The following GLB1L3 variants were observed in gnomAD, a reference collection of about 807,000 sequenced individuals.
The protein encoded by GLB1L3 is beta-galactosidase-1-like protein 3.
A neutral mutation model predicts 89.5 loss-of-function variants in GLB1L3; 89 were observed. That is an observed-to-expected ratio of 0.99 (90% confidence interval 0.84 to 1.19). The LOEUF is 1.19. Ranked by LOEUF, GLB1L3 falls within the 50% of genes most tolerant of loss-of-function variation. The pLI is 0.00. For synonymous variants in GLB1L3, 314 were observed against 312.3 expected (o/e 1.01, Z -0.06); for missense variants, 812 against 813.3 (o/e 1.00, Z 0.02).
At chr11:134,308,345 CACCATCACCACT>C (rs1261461929) in intron 10 of GLB1L3, among the ~76,000 whole-genome samples, 5 of 46,304 alleles carry the variant, frequency 1.1e-4, no homozygotes, top group Non-Finnish European at 1.8e-4. Flanking sequence ...TCACCATCAT[CACCATCACCACT>C]ACCACCACCA....
At chr11:134,287,593 A>G (rs1369769647) in intron 6 of GLB1L3, among the ~76,000 whole-genome samples, 2 of 152,258 alleles carry the variant, frequency 1.3e-5, no homozygotes, top group Non-Finnish European at 2.9e-5. Context: ...ATACTGTTCA[A>G]TAATAAAAAC....
intron 13 of GLB1L3, chr11:134,312,088 C>T (rs1463765824): frequency 1.5e-5 from 6 of 398,664 alleles, no homozygotes; most frequent in East Asian, 8.6e-5. Flanking sequence ...TGAGCCCCTG[C>T]GCCCCATCCA....
At chr11:134,300,606 T>C (rs1004977030) in intron 9 of GLB1L3, among the ~76,000 whole-genome samples, 1 of 152,080 alleles carries the variant, frequency 6.6e-6, no homozygotes, top group Admixed American at 6.6e-5. Flanking sequence ...AGTGCTGGGA[T>C]TACAGGCGTG....
intron 16 of GLB1L3, 133 bp downstream of exon 16, chr11:134,313,607 T>C: frequency 1.3e-6 from 1 of 788,880 alleles, no homozygotes; most frequent in Non-Finnish European, 2.1e-6. Flanking sequence ...GGAGCAGAGA[T>C]GCAAAATCGG....
In GLB1L3 at chr11:134,313,931, G is replaced by T; in HGVS notation, c.1580-10G>T. On this transcript the variant is annotated splice_polypyrimidine_tract_variant and intron_variant, in intron 16 of 19. Coordinates refer to ENST00000431683, the MANE Select transcript of GLB1L3 (RefSeq NM_001080407.3). Reference sequence around the variant, plus strand: ...ATATTCTCTTTCCTGCCTCCCATCTGCATCTGCAGGAATAACTGGATCTGT... The same window carrying T: ...ATATTCTCTTTCCTGCCTCCCATCTTCATCTGCAGGAATAACTGGATCTGT... 1 of 1,575,160 alleles carries T rather than the reference G, an allele frequency of 6.3e-7. No individual in the cohort carries two copies. The highest frequency in any genetic ancestry group is 8.7e-7 in the Non-Finnish European group (1 of 1,146,194).
intron 10 of GLB1L3, 137 bp downstream of exon 10, chr11:134,307,345 G>A: frequency 3.1e-6 from 2 of 650,094 alleles, no homozygotes; most frequent in Non-Finnish European, 5.4e-6. Flanking sequence ...CAAGCACTCA[G>A]CCAGGCCCTG....
intron 9 of GLB1L3, among the ~76,000 whole-genome samples, chr11:134,298,067 CT>C (rs148792992): frequency 6.8e-5 from 10 of 146,786 alleles, no homozygotes; most frequent in Admixed American, 2.0e-4. Context: ...TAATTCTTAT[CT>C]TTTTTTTTTG....
intron 2 of GLB1L3, 67 bp from the exon 3 acceptor site, chr11:134,277,633 T>C: frequency 6.5e-7 from 1 of 1,542,210 alleles, no homozygotes; most frequent in African/African-American, 1.4e-5. Context: ...GTTTCAGCCG[T>C]GCCTCCGAGC....
chr11:134,314,651 A>G (rs1425517577), intron 18 of GLB1L3, among the ~76,000 whole-genome samples: 3 of 152,192 alleles, frequency 2.0e-5, no homozygotes, highest in African/African-American at 7.2e-5. Flanking sequence ...AAAAATTCAA[A>G]CAATAACAAG....
At chr11:134,308,528 A>C in intron 10 of GLB1L3, among the ~76,000 whole-genome samples, 1 of 75,350 alleles carries the variant, frequency 1.3e-5, no homozygotes, top group Non-Finnish European at 3.0e-5. Flanking sequence ...CATGTCCACC[A>C]CCACTACCAC....
intron 11 of GLB1L3, chr11:134,310,095 C>A: frequency 2.4e-6 from 1 of 408,534 alleles, no homozygotes; most frequent in South Asian, 3.3e-5. Context: ...ACAGACTGAG[C>A]AAAGAAAAGA....
rs566157503 is a variant in GLB1L3, at chr11:134,313,573, C to T, written c.1579+99C>T. Reference sequence around the variant, plus strand: ...GGAGAGGGTGGGGAAACCAGCCGCTCAGCAGTGGGCTACCCAGGCCCTGGG... The same window carrying T: ...GGAGAGGGTGGGGAAACCAGCCGCTTAGCAGTGGGCTACCCAGGCCCTGGG... On this transcript the variant is annotated intron_variant, in intron 16 of 19. Transcript: ENST00000431683. 5.8e-5 allele frequency: 59 copies of T among 1,019,694 alleles called. No homozygotes were observed. In the Admixed American group the frequency reaches 1.2e-3, roughly 21 times the overall value. 63.2% of individuals were successfully genotyped at this position (1,019,694 alleles called of 1,614,324 possible).
intron 15 of GLB1L3, 90 bp from the exon 16 acceptor site, chr11:134,313,306 C>A: frequency 1.1e-6 from 1 of 921,086 alleles, no homozygotes. Flanking sequence ...TCCCATGTGT[C>A]TCTCCATGTG....
Position 134,292,162 on chromosome 11 carries a change from C to G in GLB1L3, c.760C>G (p.Leu254Val), listed in dbSNP as rs2136146173. 6.2e-7 allele frequency: 1 copy of G among 1,613,750 alleles called. No homozygotes were observed. Among genetic ancestry groups the G allele is most frequent in the Middle Eastern group, 1.7e-4 (1 of 6,060 alleles). The change falls in exon 8 of 20, where the codon CTC (leucine) becomes GTC (valine). Residue 254 changes from leucine to valine, a missense_variant. Around this residue, in one of 3 missense-constraint regions of GLB1L3, gnomAD observed 618 missense variants for 604.0 expected, o/e 1.02. Coordinates refer to ENST00000431683, the MANE Select transcript of GLB1L3 (RefSeq NM_001080407.3). Reference sequence around the variant, plus strand: ...GCTGAGAAGAGGGATTGTGGAGCTTCTCTTGACCTCTGATGGTGAGAAACA... The same window carrying G: ...GCTGAGAAGAGGGATTGTGGAGCTTGTCTTGACCTCTGATGGTGAGAAACA... The part of the protein sequence containing the change: ...ALLRRGIVEL[L>V]LTSDGEKHVL...
intron 16 of GLB1L3, 143 bp downstream of exon 16, chr11:134,313,617 G>T: frequency 1.4e-6 from 1 of 730,816 alleles, no homozygotes; most frequent in Non-Finnish European, 2.3e-6. Context: ...TGCAAAATCG[G>T]CCCCTCGCCC....
chr11:134,302,856 A>G (rs932837901), intron 9 of GLB1L3, among the ~76,000 whole-genome samples: 1 of 152,082 alleles, frequency 6.6e-6, no homozygotes, highest in African/African-American at 2.4e-5. Flanking sequence ...TTATTGTGTT[A>G]TTCTAGTTTT....
At chr11:134,317,511 G>A (rs1041813502) in intron 18 of GLB1L3, among the ~76,000 whole-genome samples, 2 of 152,036 alleles carry the variant, frequency 1.3e-5, no homozygotes, top group Non-Finnish European at 2.9e-5. Context: ...ATATTTTAGG[G>A]TTATCTTTTT....
chr11:134,293,085 T>C (rs905254484), intron 8 of GLB1L3, 60 bp from the exon 9 acceptor site: 10 of 1,445,080 alleles, frequency 6.9e-6, no homozygotes, highest in Non-Finnish European at 9.7e-6. Flanking sequence ...GGCGCATTCC[T>C]TCCCTTCCCT....
At chr11:134,277,299 T>G (rs888331463) in intron 1 of GLB1L3, 27 bp from the exon 2 acceptor site, 2 of 1,613,476 alleles carry the variant, frequency 1.2e-6, no homozygotes, top group African/African-American at 1.3e-5. Flanking sequence ...ACCTTCCCCT[T>G]GTCACTGTTG....
Sources: gnomAD v4.1 joint callset for allele counts (sites outside exome capture counted in the v4.1 genomes callset) on GRCh38, gnomAD v4.1.1 for gene constraint, gnomAD v4.1.1 regional missense constraint, MANE v1.5 for transcripts, NCBI Gene and HGNC (gene_info 2026-07-23, HGNC 2026-07-21) for gene names.